The following DOCK3 variants were observed in gnomAD, a reference collection of about 807,000 sequenced individuals.
DOCK3 encodes dedicator of cytokinesis protein 3.
Under a neutral mutation model 265.6 loss-of-function variants are expected in DOCK3, and 60 were observed. That is an observed-to-expected ratio of 0.23 (90% CI 0.18 to 0.28). The LOEUF is 0.28. DOCK3 is among the 10% of genes least tolerant of loss of function. The pLI is 1.00. For synonymous variants in DOCK3, 881 were observed against 938.0 expected (o/e 0.94, Z 1.11); for missense variants, 1,981 against 2,594.3 (o/e 0.76, Z 5.14).
intron 9 of DOCK3, among the ~76,000 whole-genome samples, chr3:51,120,494 G>A (rs745973062): frequency 1.1e-4 from 17 of 152,220 alleles, no homozygotes; most frequent in South Asian, 2.1e-4. Flanking sequence ...CTCAAGCACC[G>A]TGCTGGGAGA....
intron 3 of DOCK3, among the ~76,000 whole-genome samples, chr3:50,851,746 C>T (rs999978272): frequency 6.6e-6 from 1 of 152,190 alleles, no homozygotes; most frequent in African/African-American, 2.4e-5. Flanking sequence ...GGGTAGAGCA[C>T]ACTTCAAGTA....
At chr3:50,807,933 T>C (rs1282703895) in intron 2 of DOCK3, among the ~76,000 whole-genome samples, 4 of 152,172 alleles carry the variant, frequency 2.6e-5, no homozygotes, top group African/African-American at 7.2e-5. Context: ...ATTACTTTTA[T>C]AGAGATAGGA....
chr3:51,296,209 A>G (rs981455652), intron 27 of DOCK3, among the ~76,000 whole-genome samples: 1 of 152,230 alleles, frequency 6.6e-6, no homozygotes, highest in Non-Finnish European at 1.5e-5. Flanking sequence ...GAAATTAAGA[A>G]AAAATCCCAG....
chr3:51,084,795 A>C (rs900341777), intron 7 of DOCK3, among the ~76,000 whole-genome samples: 1 of 152,254 alleles, frequency 6.6e-6, no homozygotes, highest in African/African-American at 2.4e-5. Context: ...TCACAAAATA[A>C]TTAACAAAAC....
At chr3:50,690,767 C>T (rs933637326) in intron 1 of DOCK3, among the ~76,000 whole-genome samples, 4 of 151,836 alleles carry the variant, frequency 2.6e-5, no homozygotes, top group Admixed American at 1.3e-4. Flanking sequence ...CTCAGCCTCC[C>T]GAGTAGCTGG....
Position 51,338,377 on chromosome 3 carries a change from G to C in DOCK3, c.3630G>C (p.Glu1210Asp), listed in dbSNP as rs2085004572. 6.4e-7 allele frequency: 1 copy of C among 1,551,774 alleles called. No homozygotes were observed. The highest frequency in any genetic ancestry group is 8.7e-7 in the Non-Finnish European group (1 of 1,147,022). The change falls in exon 36 of 53, where the codon GAG becomes GAC. Residue 1210 changes from glutamate to aspartate, a missense_variant. Physicochemically the swap from Glu to Asp is conservative, Grantham distance 45. Transcript: ENST00000266037. The part of the protein sequence containing the change: ...LLDYRDCMKG[E>D]ETENKKIGCT... ...CTTCCAGGGACTGCATGAAAGGAGA[G>C]GAAACAGAGAATAAGAAGATAGGCT...
chr3:50,782,907 A>G (rs2041996136), intron 2 of DOCK3, among the ~76,000 whole-genome samples: 1 of 150,000 alleles, frequency 6.7e-6, no homozygotes, highest in Admixed American at 6.6e-5. Context: ...TTCATTCCTG[A>G]GTTACTTCAC....
chr3:50,897,102 TC>T (rs2048931671), intron 4 of DOCK3, among the ~76,000 whole-genome samples: 1 of 152,226 alleles, frequency 6.6e-6, no homozygotes, highest in South Asian at 2.1e-4. Flanking sequence ...TGATACTGAT[TC>T]TTCCTATCCA....
At chr3:50,715,838 C>T (rs2037073232) in intron 1 of DOCK3, among the ~76,000 whole-genome samples, 1 of 152,110 alleles carries the variant, frequency 6.6e-6, no homozygotes, top group South Asian at 2.1e-4. Flanking sequence ...AGGAGCCATT[C>T]ATGTTAAGGA....
chr3:50,854,597 T>TTTTTTTTTTTTTTC lies in DOCK3; in HGVS notation c.162+12895_162+12896insCTTTTTTTTTTTTT, dbSNP rs1559727064. 1.5e-5 allele frequency among the ~76,000 whole-genome samples: 2 copies of TTTTTTTTTTTTTTC among 130,974 alleles called. 1 individual carries two copies. The highest frequency in any genetic ancestry group is 3.3e-5 in the Non-Finnish European group (2 of 61,352). 85.9% of individuals were successfully genotyped at this position (130,974 alleles called of 152,430 possible). A position where few individuals can be genotyped will look rare whatever the true frequency, so the allele number is the denominator to read the frequency against. ...AGATGAGCACCATCACACCAGTTTT[T>TTTTTTTTTTTTTTC]TTTTTTTTTTTTTGGTGGTCTCATT... is the stretch of plus-strand genomic sequence containing the variant. On this transcript the variant is annotated intron_variant, in intron 3 of 52. Transcript: ENST00000266037.
chr3:50,890,550 C>T (rs2048590726), intron 4 of DOCK3, among the ~76,000 whole-genome samples: 1 of 151,874 alleles, frequency 6.6e-6, no homozygotes, highest in Non-Finnish European at 1.5e-5. Context: ...TAAAAAGAGA[C>T]AAGAAATAAA....
At chr3:51,069,275 TAGTC>T (rs931685689) in intron 6 of DOCK3, among the ~76,000 whole-genome samples, 13 of 152,290 alleles carry the variant, frequency 8.5e-5, no homozygotes, top group African/African-American at 1.2e-4. Context: ...CATAGAGAAT[TAGTC>T]AGTTAATTAT....
At chr3:51,126,624 A>C (rs911105720) in intron 9 of DOCK3, among the ~76,000 whole-genome samples, 5 of 152,162 alleles carry the variant, frequency 3.3e-5, no homozygotes, top group Admixed American at 2.0e-4. Context: ...CCTTGCCCCC[A>C]TTTATTCATC....
rs2108348393 is a variant in DOCK3 at position 50,756,263 on chromosome 3, A to G, written c.38-22412A>G. 2.0e-5 allele frequency among the ~76,000 whole-genome samples: 3 copies of G among 152,282 alleles called. No homozygotes were observed. In the South Asian group the frequency reaches 6.2e-4, roughly 32 times the overall value. On this transcript the variant is annotated intron_variant, in intron 1 of 52. Transcript: ENST00000266037. Reference sequence around the variant, plus strand: ...TCCAGAGGATGGTCATATACTGGTTAAACTCTGCCATTTTGCCTCATAATG... The same window carrying G: ...TCCAGAGGATGGTCATATACTGGTTGAACTCTGCCATTTTGCCTCATAATG...
intron 5 of DOCK3, among the ~76,000 whole-genome samples, chr3:50,984,846 A>G (rs1201829347): frequency 6.6e-6 from 1 of 152,246 alleles, no homozygotes; most frequent in Non-Finnish European, 1.5e-5. Flanking sequence ...TATAAGAACT[A>G]TTGACATAGC....
intron 5 of DOCK3, among the ~76,000 whole-genome samples, chr3:51,004,765 G>T (rs2078618380): frequency 1.4e-5 from 2 of 139,760 alleles, no homozygotes. Context: ...TCATTAGGTG[G>T]TCAGACTGTA....
intron 5 of DOCK3, among the ~76,000 whole-genome samples, chr3:51,023,202 C>T (rs2079668047): frequency 6.6e-6 from 1 of 151,940 alleles, no homozygotes. Context: ...TAGGTTTGGC[C>T]ATTTTATATA....
intron 1 of DOCK3, among the ~76,000 whole-genome samples, chr3:50,724,732 T>C (rs967939295): frequency 6.6e-6 from 1 of 152,106 alleles, no homozygotes; most frequent in East Asian, 1.9e-4. Flanking sequence ...AAATACGTAA[T>C]GTAAGTGACA....
chr3:50,906,679 C>G (rs1421949241), intron 4 of DOCK3, among the ~76,000 whole-genome samples: 1 of 151,818 alleles, frequency 6.6e-6, no homozygotes, highest in Non-Finnish European at 1.5e-5. Context: ...TGCTAGAAGT[C>G]TATCAATTTT....
Sources: allele counts gnomAD v4.1 joint callset (sites outside exome capture counted in the v4.1 genomes callset), GRCh38; gene constraint gnomAD v4.1.1; transcripts MANE v1.5; gene names NCBI Gene and HGNC (gene_info 2026-07-23, HGNC 2026-07-21).